The following ANKS1B variants were observed in gnomAD, a reference collection of about 807,000 sequenced individuals.
ANKS1B encodes the protein ankyrin repeat and sterile alpha motif domain containing 1B.
Under a neutral mutation model 148.3 loss-of-function variants are expected in ANKS1B, and 36 were observed. That is an observed-to-expected ratio of 0.24 (90% CI 0.19 to 0.32). ANKS1B has a LOEUF of 0.32. Ranked by LOEUF, ANKS1B falls within the 10% of genes least tolerant of loss-of-function variation. The pLI is 1.00. For missense variants in ANKS1B, 1,157 were observed against 1,542.6 expected, an observed-to-expected ratio of 0.75 and a Z score of 4.19; for synonymous variants, 542 against 560.8, an observed-to-expected ratio of 0.97 and a Z score of 0.47.
At chr12:99,342,016 T>C (rs958457477) in intron 12 of ANKS1B, among the ~76,000 whole-genome samples, 1 of 152,104 alleles carries the variant, frequency 6.6e-6, no homozygotes, top group African/African-American at 2.4e-5. Flanking sequence ...CATTCAAAAC[T>C]TCATTTAGTC....
chr12:99,565,894 C>T (rs922090086), intron 9 of ANKS1B, among the ~76,000 whole-genome samples: 2 of 152,136 alleles, frequency 1.3e-5, no homozygotes, highest in African/African-American at 4.8e-5. Flanking sequence ...TTTTCTATAT[C>T]TTGGCTTCCT....
intron 10 of ANKS1B, among the ~76,000 whole-genome samples, chr12:99,485,801 T>C (rs930264935): frequency 6.6e-6 from 1 of 152,138 alleles, no homozygotes; most frequent in Non-Finnish European, 1.5e-5. Flanking sequence ...CTTTCTTCTA[T>C]TTGTTCTAGT....
intron 2 of ANKS1B, among the ~76,000 whole-genome samples, chr12:99,824,575 CAG>C (rs1380847200): frequency 1.3e-5 from 2 of 150,588 alleles, no homozygotes; most frequent in South Asian, 2.1e-4. Context: ...AAAGGGAAAA[CAG>C]AGACGAGGGG....
At chr12:98,903,878 A>G (rs1253726403) in intron 17 of ANKS1B, among the ~76,000 whole-genome samples, 4 of 152,186 alleles carry the variant, frequency 2.6e-5, no homozygotes, top group Non-Finnish European at 4.4e-5. Flanking sequence ...TACCAACTGA[A>G]GAAGCCCATC....
intron 22 of ANKS1B, among the ~76,000 whole-genome samples, chr12:98,796,288 T>C (rs2098948803): frequency 6.6e-6 from 1 of 152,182 alleles, no homozygotes; most frequent in South Asian, 2.1e-4. Context: ...AGAAAACATC[T>C]TTTTTTCAAT....
intron 17 of ANKS1B, among the ~76,000 whole-genome samples, chr12:98,873,019 A>G (rs1042740845): frequency 3.3e-5 from 5 of 152,188 alleles, no homozygotes; most frequent in Non-Finnish European, 7.3e-5. Context: ...TCCATCTTGT[A>G]AGACTATACT....
At chr12:98,762,547 A>G (rs1270670432) in intron 25 of ANKS1B, among the ~76,000 whole-genome samples, 1 of 152,244 alleles carries the variant, frequency 6.6e-6, no homozygotes, top group African/African-American at 2.4e-5. Flanking sequence ...CAAATGGCCA[A>G]GCATTTCATC....
At chr12:99,399,350 G>C (rs1006993636) in intron 12 of ANKS1B, among the ~76,000 whole-genome samples, 2 of 152,066 alleles carry the variant, frequency 1.3e-5, no homozygotes, top group African/African-American at 4.8e-5. Flanking sequence ...GTGTGGTGAG[G>C]GGTAAATGGC....
intron 15 of ANKS1B, among the ~76,000 whole-genome samples, chr12:99,111,705 G>A (rs2060324021): frequency 1.3e-5 from 2 of 151,932 alleles, no homozygotes; most frequent in South Asian, 2.1e-4. Flanking sequence ...TTCTTTACAC[G>A]TACTTGTAAT....
chr12:98,974,037 G>C (rs184198185), intron 17 of ANKS1B, among the ~76,000 whole-genome samples: 1 of 152,268 alleles, frequency 6.6e-6, no homozygotes, highest in East Asian at 1.9e-4. Context: ...GATAAGAGAG[G>C]ACTACTATAT....
intron 1 of ANKS1B, among the ~76,000 whole-genome samples, chr12:99,920,113 A>G (rs1255338019): frequency 1.3e-5 from 2 of 152,192 alleles, no homozygotes; most frequent in Non-Finnish European, 2.9e-5. Flanking sequence ...GCAAAGACTT[A>G]GCACTACAGT....
chr12:98,816,828 G>A (rs897765645), intron 19 of ANKS1B, among the ~76,000 whole-genome samples: 6 of 152,094 alleles, frequency 3.9e-5, no homozygotes, highest in African/African-American at 1.2e-4. Flanking sequence ...TCTCAGAACA[G>A]AGCAAGTAGA....
intron 12 of ANKS1B, among the ~76,000 whole-genome samples, chr12:99,390,218 G>C (rs143837323): frequency 8.3e-4 from 127 of 152,278 alleles, no homozygotes; most frequent in African/African-American, 2.8e-3. Context: ...TAATGGCACT[G>C]GCTTAATGTA....
rs1035369532 is a variant in ANKS1B at position 98,899,411 on chromosome 12, T to C, written c.2779-67275A>G. 1.8e-4 allele frequency among the ~76,000 whole-genome samples: 28 copies of C among 152,340 alleles called. No individual in the cohort carries two copies. The Middle Eastern group carries it at 0.01, about 56-fold the overall frequency. Reference sequence around the variant, plus strand: ...TCATTTGGCCAGGTTAAAGTTTCCATTTACTCAATCAAAGACTAATCTAGG... The same window carrying C: ...TCATTTGGCCAGGTTAAAGTTTCCACTTACTCAATCAAAGACTAATCTAGG... On this transcript the variant is annotated intron_variant, in intron 17 of 26. Coordinates refer to ENST00000683438, the MANE Select transcript of ANKS1B (RefSeq NM_001352186.2).
At chr12:99,318,347 G>C (rs781108585) in intron 12 of ANKS1B, among the ~76,000 whole-genome samples, 9 of 152,222 alleles carry the variant, frequency 5.9e-5, no homozygotes, top group Non-Finnish European at 1.2e-4. Flanking sequence ...TTCAAAGCCT[G>C]TAATTGGTCT....
chr12:99,109,904 G>A (rs904273901), intron 15 of ANKS1B, among the ~76,000 whole-genome samples: 4 of 152,096 alleles, frequency 2.6e-5, no homozygotes, highest in African/African-American at 7.2e-5. Flanking sequence ...CTAACATCTT[G>A]CTTTAAGATG....
At chr12:99,120,307 C>T (rs1036692152) in intron 15 of ANKS1B, among the ~76,000 whole-genome samples, 7 of 152,104 alleles carry the variant, frequency 4.6e-5, no homozygotes, top group Non-Finnish European at 1.0e-4. Context: ...TTTTTCTTAT[C>T]AACATCATAA....
At chr12:99,972,968 G>GT (rs1351667218) in intron 1 of ANKS1B, among the ~76,000 whole-genome samples, 7 of 152,152 alleles carry the variant, frequency 4.6e-5, no homozygotes, top group African/African-American at 1.4e-4. Context: ...CTCTGCAAGT[G>GT]GCACAACAAA....
rs2097901115 is a variant in ANKS1B, at chr12:99,611,369, CTT to C, written c.1272+43696_1272+43697del. 1.3e-5 allele frequency among the ~76,000 whole-genome samples: 2 copies of C among 152,022 alleles called. 1 individual carries two copies. The highest frequency in any genetic ancestry group is 2.9e-5 in the Non-Finnish European group (2 of 67,998). Reference sequence around the variant, plus strand: ...TGCCAGGCATTTAACCTAATCATCACTTTGTAATTTAAAATTTCCCCATCCAG... The same window carrying C: ...TGCCAGGCATTTAACCTAATCATCACTGTAATTTAAAATTTCCCCATCCAG... On this transcript the variant is annotated intron_variant, in intron 9 of 26. Transcript: ENST00000683438.
Sources: allele counts gnomAD v4.1 joint callset (sites outside exome capture counted in the v4.1 genomes callset), GRCh38; gene constraint gnomAD v4.1.1; transcripts MANE v1.5; gene names NCBI Gene and HGNC (gene_info 2026-07-23, HGNC 2026-07-21).